Variants in GET4 observed in about 807,000 individuals in gnomAD.
The protein encoded by GET4 is guided entry of tail-anchored proteins factor 4.
A neutral mutation model predicts 40.0 loss-of-function variants in GET4; 20 were observed. That is an observed-to-expected ratio of 0.50 (90% CI 0.35 to 0.73). GET4 has a LOEUF of 0.73. Ranked by LOEUF, GET4 falls within the 30% of genes least tolerant of loss-of-function variation. The pLI, the probability that GET4 is intolerant of heterozygous loss-of-function variation, is 0.01. For missense variants in GET4, 557 were observed against 454.0 expected, an observed-to-expected ratio of 1.23 and a Z score of -2.06; for synonymous variants, 280 against 194.6, an observed-to-expected ratio of 1.44 and a Z score of -3.65.
At chr7:879,272 G>A (rs1360228944) in intron 1 of GET4, among the ~76,000 whole-genome samples, 2 of 152,246 alleles carry the variant, frequency 1.3e-5, no homozygotes, top group Non-Finnish European at 2.9e-5. Flanking sequence ...GCCTGGGTAA[G>A]CGAGTGGCCG....
At chr7:889,450 G>A (rs565263596) in intron 4 of GET4, among the ~76,000 whole-genome samples, 65 of 152,346 alleles carry the variant, frequency 4.3e-4, no homozygotes, top group African/African-American at 1.5e-3. Context: ...GGGAGTGGAG[G>A]GAGACAGCAG....
chr7:885,939 T>C, intron 1 of GET4, 117 bp from the exon 2 acceptor site: 1 of 721,524 alleles, frequency 1.4e-6, no homozygotes. Context: ...GAGCGGCTGC[T>C]TTTAGGATGC....
At chr7:887,296 C>T (rs1014751089) in intron 3 of GET4, 74 bp from the exon 4 acceptor site, 7 of 1,449,370 alleles carry the variant, frequency 4.8e-6, no homozygotes, top group Admixed American at 3.5e-5. Context: ...TGGAAATCCA[C>T]TTCTGTGGGG....
Position 891,055 on chromosome 7 carries a change from G to A in GET4, c.594G>A (p.Gln198=), listed in dbSNP as rs1425017008. The part of the protein sequence containing the change: ...FRSEVDMFVA[Q]AVLQFLCLKN... ...GCGAGGTGGACATGTTCGTGGCCCA[G>A]GCCGTGCTACAGTAGGTGTCTGTGG... Residue 198 remains glutamine, a synonymous_variant, in exon 5 of 9, where the codon CAG becomes CAA. Coordinates refer to ENST00000265857, the MANE Select transcript of GET4 (RefSeq NM_015949.3). The A allele has an allele frequency of 6.2e-7, 1 of 1,604,012 alleles. No individual in the cohort carries two copies. The highest frequency in any genetic ancestry group is 1.3e-5 in the African/African-American group (1 of 74,858).
chr7:883,713 C>G lies in GET4; in HGVS notation c.156-2343C>G, dbSNP rs1043801333. ...GGCCCGGCCATGCCCAGCTGCCCCCCACTCTCCCCGGCCTCGGGCTTGAGA... is the reference window on the plus strand; with the variant it reads ...GGCCCGGCCATGCCCAGCTGCCCCCGACTCTCCCCGGCCTCGGGCTTGAGA... On this transcript the variant is annotated intron_variant, in intron 1 of 8. Coordinates refer to ENST00000265857, the MANE Select transcript of GET4 (RefSeq NM_015949.3). The G allele has an allele frequency of 1.0e-5, 10 of 985,964 alleles. No homozygotes were observed. In the Admixed American group the frequency reaches 3.1e-4, roughly 30 times the overall value. 61.1% of individuals were successfully genotyped at this position (985,964 alleles called of 1,614,324 possible).
At chr7:891,921 C>G (rs1562897376) in intron 5 of GET4, among the ~76,000 whole-genome samples, 1 of 152,272 alleles carries the variant, frequency 6.6e-6, no homozygotes, top group Non-Finnish European at 1.5e-5. Context: ...GCGGCACCCA[C>G]CAGCTGCTGG....
chr7:894,682 C>T (rs1021719044), intron 8 of GET4, among the ~76,000 whole-genome samples: 13 of 152,224 alleles, frequency 8.5e-5, no homozygotes, highest in South Asian at 2.1e-4. Context: ...TCCACAGAAG[C>T]GCCGTCAGGG....
At chr7:881,455 C>T (rs531672347) in intron 1 of GET4, 3 of 152,186 alleles carry the variant, frequency 2.0e-5, no homozygotes, top group East Asian at 1.9e-4. Flanking sequence ...TCTGTCTAAC[C>T]GCTTGAATTC....
At chr7:883,580 CTCAGCGCCT>C in intron 1 of GET4, 1 of 985,274 alleles carries the variant, frequency 1.0e-6, no homozygotes, top group Non-Finnish European at 1.2e-6. Flanking sequence ...CTCACTGGCT[CTCAGCGCCT>C]GTCAGCAGGC....
intron 4 of GET4, among the ~76,000 whole-genome samples, chr7:888,644 C>T (rs1844244478): frequency 6.6e-6 from 1 of 152,264 alleles, no homozygotes; most frequent in Non-Finnish European, 1.5e-5. Flanking sequence ...CCGTGGTCGC[C>T]TCCTTCCTCA....
At chr7:891,764 C>T (rs1053282287) in intron 5 of GET4, among the ~76,000 whole-genome samples, 2 of 152,272 alleles carry the variant, frequency 1.3e-5, no homozygotes, top group African/African-American at 4.8e-5. Flanking sequence ...GAGCTGGCGT[C>T]CGTGACTTAA....
intron 1 of GET4, chr7:883,815 A>G (rs1844131976): frequency 1.0e-6 from 1 of 992,102 alleles, no homozygotes; most frequent in African/African-American, 1.7e-5. Flanking sequence ...CAGGAGGAGA[A>G]GCCGTCCACG....
chr7:890,857 G>A, intron 4 of GET4, 71 bp from the exon 5 acceptor site: 10 of 1,241,866 alleles, frequency 8.1e-6, no homozygotes, highest in Non-Finnish European at 1.1e-5. Flanking sequence ...AACATGGAGT[G>A]TCTTTCCCCC....
intron 4 of GET4, among the ~76,000 whole-genome samples, chr7:888,420 C>T (rs1477552229): frequency 2.0e-5 from 3 of 152,248 alleles, no homozygotes; most frequent in African/African-American, 4.8e-5. Context: ...ATGCAGGTTC[C>T]GCCTGGGCTG....
intron 1 of GET4, chr7:878,320 G>C (rs1229718804): frequency 2.1e-6 from 1 of 470,770 alleles, no homozygotes; most frequent in East Asian, 6.9e-5. Context: ...AGAATGTTCA[G>C]TTGTTCTGTG....
Position 887,433 on chromosome 7 carries a change from C to G in GET4, c.380C>G (p.Ser127Cys). Residue 127 changes from serine to cysteine, a missense_variant, in exon 4 of 9, where the codon TCC (serine) becomes TGC (cysteine). Transcript: ENST00000265857. Reference sequence around the variant, plus strand: ...TCTCCTGAGCGCGTGACCTTTGTGTCCAGAGCCCTGAAGTGGTCCAGTGGG... The same window carrying G: ...TCTCCTGAGCGCGTGACCTTTGTGTGCAGAGCCCTGAAGTGGTCCAGTGGG... Reference protein sequence around the residue: ...PNSPERVTFVSRALKWSSGGS... With the variant: ...PNSPERVTFVCRALKWSSGGS... 6.2e-7 allele frequency: 1 copy of G among 1,604,958 alleles called. No homozygotes were observed. Among genetic ancestry groups the G allele is most frequent in the Non-Finnish European group, 8.5e-7 (1 of 1,174,756 alleles).
In GET4 at chr7:879,543, G is replaced by A. The variant is rs534663532; in HGVS notation, c.155+2743G>A. On this transcript the variant is annotated intron_variant, in intron 1 of 8. Coordinates refer to ENST00000265857, the MANE Select transcript of GET4 (RefSeq NM_015949.3). ...CTCAGGACAGTGCATGTGGGCCCCT[G>A]ATCGTGGCTTATGAGGAGACATCTT... Among the ~76,000 whole-genome samples the A allele has an allele frequency of 7.2e-5, 11 of 152,330 alleles. No homozygotes were observed. The East Asian group carries it at 2.1e-3, about 29-fold the overall frequency.
chr7:894,285 C>CGTGAGCCTG (rs1324938588), intron 8 of GET4, among the ~76,000 whole-genome samples: 2 of 152,146 alleles, frequency 1.3e-5, no homozygotes, highest in African/African-American at 4.8e-5. Flanking sequence ...AGGTGGCCTC[C>CGTGAGCCTG]GTGAGCCTGG....
chr7:894,030 T>C (rs1227352099), intron 8 of GET4, 59 bp downstream of exon 8: 1 of 1,183,630 alleles, frequency 8.4e-7, no homozygotes, highest in Non-Finnish European at 1.2e-6. Context: ...GGGGTCATCA[T>C]CTCTGCCCAG....
Sources: allele counts gnomAD v4.1 joint callset (sites outside exome capture counted in the v4.1 genomes callset), GRCh38; gene constraint gnomAD v4.1.1; transcripts MANE v1.5; gene names NCBI Gene and HGNC (gene_info 2026-07-23, HGNC 2026-07-21).